The following CAMKK2 variants were observed in gnomAD, a reference collection of about 807,000 sequenced individuals.
CAMKK2 encodes calcium/calmodulin-dependent protein kinase kinase 2.
CAMKK2 carries 30 observed loss-of-function variants against 67.2 expected under a neutral mutation model. The observed-to-expected ratio is 0.45, with a 90% CI of 0.33 to 0.61. The LOEUF is 0.61. Ranked by LOEUF, CAMKK2 falls within the 20% of genes least tolerant of loss-of-function variation. CAMKK2 has a pLI of 0.02. For missense variants in CAMKK2, 643 were observed against 802.0 expected (o/e 0.80, Z 2.39); for synonymous variants, 322 against 326.2 (o/e 0.99, Z 0.14).
At chr12:121,283,157 G>A (rs953502981) in intron 1 of CAMKK2, among the ~76,000 whole-genome samples, 1 of 152,214 alleles carries the variant, frequency 6.6e-6, no homozygotes, top group African/African-American at 2.4e-5. Flanking sequence ...GGAGAAGCCG[G>A]CTGCCTTGGA....
At chr12:121,278,669 C>G (rs1412620622) in intron 1 of CAMKK2, among the ~76,000 whole-genome samples, 1 of 152,224 alleles carries the variant, frequency 6.6e-6, no homozygotes, top group African/African-American at 2.4e-5. Flanking sequence ...CCATGTAAGA[C>G]CGGACTTGCT....
chr12:121,242,478 G>C (rs112536694), intron 16 of CAMKK2, among the ~76,000 whole-genome samples: 5,628 of 152,290 alleles, frequency 0.037, 138 homozygotes, highest in South Asian at 0.099. Context: ...CCGAGGAAAG[G>C]CCAGCCCGCT....
At chr12:121,282,681 C>T (rs1359819608) in intron 1 of CAMKK2, among the ~76,000 whole-genome samples, 2 of 152,156 alleles carry the variant, frequency 1.3e-5, no homozygotes, top group African/African-American at 4.8e-5. Flanking sequence ...TCAGAAGGGA[C>T]GAACCCTGCC....
chr12:121,256,508 C>T (rs1218336387), intron 7 of CAMKK2, among the ~76,000 whole-genome samples: 1 of 152,206 alleles, frequency 6.6e-6, no homozygotes, highest in Non-Finnish European at 1.5e-5. Flanking sequence ...AGAACATTCT[C>T]ATCACCTCAA....
rs1279204211 is a variant in CAMKK2, at chr12:121,274,475, C to T, written c.52G>A (p.Asp18Asn). The change falls in exon 2 of 17, where the codon GAT (aspartate) becomes AAT (asparagine). Residue 18 changes from aspartate (D) to asparagine (N), a missense_variant. Physicochemically the swap from Asp to Asn is conservative, Grantham distance 23 (BLOSUM62 1). Coordinates refer to ENST00000404169, the MANE Select transcript of CAMKK2 (RefSeq NM_001270485.2). ...CTGCTGCCCCTGCCCCCCAGCTCATCCTGGGGGGCGGCCCGGTTGCTGCTG... is the reference window on the plus strand; with the variant it reads ...CTGCTGCCCCTGCCCCCCAGCTCATTCTGGGGGGCGGCCCGGTTGCTGCTG... The part of the protein sequence containing the change: ...QPSSNRAAPQ[D>N]ELGGRGSSSS... 6.2e-7 allele frequency: 1 copy of T among 1,612,630 alleles called. No homozygotes were observed. The highest frequency in any genetic ancestry group is 8.5e-7 in the Non-Finnish European group (1 of 1,179,834).
chr12:121,270,143 G>T (rs527495085), intron 3 of CAMKK2, among the ~76,000 whole-genome samples: 2 of 151,816 alleles, frequency 1.3e-5, no homozygotes, highest in Non-Finnish European at 2.9e-5. Flanking sequence ...AGGCCGAGGC[G>T]GGCAGATCAC....
Position 121,240,923 on chromosome 12 carries a change from C to A in CAMKK2, c.1597-54G>T. The stretch of plus-strand genomic sequence containing the variant: ...AGACTCTGAGAAATGCCAGCGAGGC[C>A]CTGAGCCAGCTGCTCCCACATCTGG... On this transcript the variant is annotated intron_variant, in intron 16 of 16. Coordinates refer to ENST00000404169, the MANE Select transcript of CAMKK2 (RefSeq NM_001270485.2). This position sits in a 1 kb window ranked among gnomAD's most constrained non-coding sequence, Gnocchi z 4.4. 1 of 1,584,956 alleles carries A rather than the reference C, an allele frequency of 6.3e-7. No individual in the cohort carries two copies. The highest frequency in any genetic ancestry group is 1.1e-5 in the South Asian group (1 of 88,404).
At chr12:121,283,767 A>G (rs1260477913) in intron 1 of CAMKK2, among the ~76,000 whole-genome samples, 1 of 152,166 alleles carries the variant, frequency 6.6e-6, no homozygotes, top group African/African-American at 2.4e-5. Context: ...GTGAACTATG[A>G]TTGCACCACT....
chr12:121,240,424 A>T lies in CAMKK2; in HGVS notation c.*275T>A, dbSNP rs201083555. The T allele has an allele frequency of 4.9e-5, 74 of 1,518,034 alleles. 1 individual carries two copies. The highest frequency in any genetic ancestry group is 5.0e-5 in the Non-Finnish European group (57 of 1,141,256). 94.0% of individuals were successfully genotyped at this position (1,518,034 alleles called of 1,614,324 possible). On this transcript the variant is annotated 3_prime_UTR_variant, in exon 17 of 17. Transcript: ENST00000404169. The surrounding 1 kb of genome is among the most constrained non-coding windows in gnomAD (Gnocchi z 4.4). ...ATTTTTGGCATAAAAACGTTTTAAAAAGCAATTGTCCCAAAATGCACGTGG... is the reference window on the plus strand; with the variant it reads ...ATTTTTGGCATAAAAACGTTTTAAATAGCAATTGTCCCAAAATGCACGTGG...
intron 1 of CAMKK2, among the ~76,000 whole-genome samples, chr12:121,287,512 G>A (rs1898994356): frequency 6.6e-6 from 1 of 152,100 alleles, no homozygotes; most frequent in South Asian, 2.1e-4. Context: ...CTGCCCTGCA[G>A]CCCAGTGACC....
At chr12:121,279,627 G>A (rs1416602369) in intron 1 of CAMKK2, among the ~76,000 whole-genome samples, 3 of 152,192 alleles carry the variant, frequency 2.0e-5, no homozygotes, top group Admixed American at 6.5e-5. Flanking sequence ...TCCAGAGGGC[G>A]GAGCGTGAGA....
chr12:121,250,391 C>T (rs569102648), intron 11 of CAMKK2, among the ~76,000 whole-genome samples: 1 of 152,308 alleles, frequency 6.6e-6, no homozygotes, highest in Admixed American at 6.5e-5. Context: ...ACACAAAAGA[C>T]TTTGTGTTAT....
intron 2 of CAMKK2, among the ~76,000 whole-genome samples, chr12:121,273,281 G>A (rs1289617237): frequency 6.6e-6 from 1 of 151,966 alleles, no homozygotes; most frequent in Non-Finnish European, 1.5e-5. Context: ...GGTGGGGGAG[G>A]TGGTTCCAAG....
chr12:121,248,510 G>A, intron 14 of CAMKK2, 96 bp downstream of exon 14: 1 of 1,472,570 alleles, frequency 6.8e-7, no homozygotes, highest in Non-Finnish European at 9.3e-7. Flanking sequence ...CCGGACATCT[G>A]ACTCCCGGGC....
intron 13 of CAMKK2, 83 bp downstream of exon 13, chr12:121,249,704 T>C (rs1890257532): frequency 9.0e-7 from 1 of 1,117,086 alleles, no homozygotes; most frequent in Non-Finnish European, 1.4e-6. Context: ...TGTGGTGCTG[T>C]GGACACAAGG....
At position 121,245,177 on chromosome 12, in the gene CAMKK2, C is replaced by T. The variant is rs1327544155; in HGVS notation, c.1516G>A (p.Glu506Lys). 4.4e-6 allele frequency: 7 copies of T among 1,608,104 alleles called. No individual in the cohort carries two copies. The highest frequency in any genetic ancestry group is 5.9e-6 in the Non-Finnish European group (7 of 1,176,992). ...CCAGGCGCTGACAGTGAGCGTTCCT[C>T]CCGCCGGCTGCCCTCGAATGGGTTC... ...FGNPFEGSRR[E>K]ERSLSAPGNL... The change falls in exon 15 of 17, where the codon GAG becomes AAG. Residue 506 changes from glutamate (E) to lysine (K), a missense_variant. By Grantham distance (56) the Glu-to-Lys change is moderately conservative (BLOSUM62 1). This residue lies in a region of CAMKK2 where 140 missense variants were observed against 124.2 expected (regional missense o/e 1.13). Transcript: ENST00000404169. This position sits in a 1 kb window ranked among gnomAD's most constrained non-coding sequence, Gnocchi z 5.8.
chr12:121,241,280 C>T (rs1478108025), intron 16 of CAMKK2, among the ~76,000 whole-genome samples: 1 of 152,188 alleles, frequency 6.6e-6, no homozygotes. Flanking sequence ...TGACGCTTGT[C>T]CTCAGTCACC....
At chr12:121,252,996 G>A (rs553417597) in intron 10 of CAMKK2, among the ~76,000 whole-genome samples, 4 of 152,336 alleles carry the variant, frequency 2.6e-5, no homozygotes, top group Admixed American at 1.3e-4. Context: ...AATGAGGAAT[G>A]CTCTTGCCAC....
Position 121,240,656 on chromosome 12 carries a change from A to G in CAMKK2, c.*43T>C. ...TGGAAACGCGGTGCAGCAGCCCCCC[A>G]GAGGCGACGCGGCGCGCATGCGAGG... On this transcript the variant is annotated 3_prime_UTR_variant, in exon 17 of 17. Coordinates refer to ENST00000404169, the MANE Select transcript of CAMKK2 (RefSeq NM_001270485.2). The surrounding 1 kb of genome is among the most constrained non-coding windows in gnomAD (Gnocchi z 4.4). 6.4e-7 allele frequency: 1 copy of G among 1,550,852 alleles called. No homozygotes were observed. The highest frequency in any genetic ancestry group is 8.7e-7 in the Non-Finnish European group (1 of 1,153,850).
Sources: allele counts gnomAD v4.1 joint callset (sites outside exome capture counted in the v4.1 genomes callset), GRCh38; gene constraint gnomAD v4.1.1; regional missense constraint gnomAD v4.1.1; non-coding constraint Gnocchi (gnomAD v3.1); transcripts MANE v1.5; gene names NCBI Gene and HGNC (gene_info 2026-07-23, HGNC 2026-07-21).